The following SDK2 variants were observed in gnomAD, a reference collection of about 807,000 sequenced individuals.
SDK2 encodes the protein sidekick cell adhesion molecule 2.
A neutral mutation model predicts 253.9 loss-of-function variants in SDK2; 105 were observed. That is an observed-to-expected ratio of 0.41 (90% CI 0.35 to 0.49). The LOEUF is 0.49. Ranked by LOEUF, SDK2 falls within the 20% of genes least tolerant of loss-of-function variation. The pLI, the probability that SDK2 is intolerant of heterozygous loss-of-function variation, is 0.06. For synonymous variants in SDK2, 1,249 were observed against 1,234.9 expected (o/e 1.01, Z -0.24); for missense variants, 2,608 against 3,003.0 (o/e 0.87, Z 3.07).
intron 1 of SDK2, among the ~76,000 whole-genome samples, chr17:73,551,104 G>A (rs1164629671): frequency 6.6e-6 from 1 of 152,174 alleles, no homozygotes; most frequent in Non-Finnish European, 1.5e-5. Flanking sequence ...GGACCTGAGA[G>A]GTCACAGCCC....
intron 2 of SDK2, among the ~76,000 whole-genome samples, chr17:73,498,322 C>T (rs2063859881): frequency 6.6e-6 from 1 of 152,222 alleles, no homozygotes; most frequent in South Asian, 2.1e-4. Flanking sequence ...TCTGCCTCTT[C>T]CTGAAACTCC....
chr17:73,459,708 T>A (rs899142708), intron 3 of SDK2, among the ~76,000 whole-genome samples: 7 of 152,138 alleles, frequency 4.6e-5, no homozygotes, highest in Admixed American at 1.3e-4. Context: ...CTTTCTTTTT[T>A]TTTTTTGTAG....
intron 36 of SDK2, among the ~76,000 whole-genome samples, chr17:73,373,236 A>T (rs1303689906): frequency 1.3e-5 from 2 of 152,184 alleles, no homozygotes; most frequent in Admixed American, 6.5e-5. Flanking sequence ...ACTGTGTATA[A>T]ACCACATTTT....
At chr17:73,625,366 T>C (rs1567880005) in intron 1 of SDK2, among the ~76,000 whole-genome samples, 2 of 151,980 alleles carry the variant, frequency 1.3e-5, no homozygotes, top group East Asian at 3.9e-4. Flanking sequence ...GAGAAGAGGG[T>C]CCCCTGGCCT....
At chr17:73,416,273 T>C (rs996739335) in intron 16 of SDK2, among the ~76,000 whole-genome samples, 6 of 146,328 alleles carry the variant, frequency 4.1e-5, no homozygotes, top group Admixed American at 3.7e-4. Flanking sequence ...CTCGGCTCAC[T>C]GCAACCTCTG....
rs1447306112 is a variant in SDK2, at chr17:73,339,218, T to TTTTG, written c.6166-279_6166-278insCAAA. Among the ~76,000 whole-genome samples the TTTTG allele has an allele frequency of 1.7e-4, 25 of 144,848 alleles. 2 individuals carry two copies. The highest frequency in any genetic ancestry group is 2.5e-4 in the African/African-American group (10 of 40,052). ...GATAGAATCAGAAGACCTGAGTTTT[T>TTTTG]TTTTGTTTTTGTTTTTGTTTTTTTT... On this transcript the variant is annotated intron_variant, in intron 44 of 44. Coordinates refer to ENST00000392650, the MANE Select transcript of SDK2 (RefSeq NM_001144952.2).
chr17:73,509,034 G>C (rs1022506942), intron 1 of SDK2, among the ~76,000 whole-genome samples: 1 of 152,180 alleles, frequency 6.6e-6, no homozygotes, highest in Non-Finnish European at 1.5e-5. Flanking sequence ...ACCACACTGT[G>C]CCCAGAGGGG....
chr17:73,443,931 C>T lies in SDK2; in HGVS notation c.614-3008G>A, dbSNP rs371167289. On this transcript the variant is annotated intron_variant, in intron 5 of 44. Transcript: ENST00000392650. The surrounding 1 kb of genome is among the most constrained non-coding windows in gnomAD (Gnocchi z 4.6). ...CAGGCACCAGAGATTCTCCACCAAG[C>T]GAGATGGCCAGGGTCTGTCCTCATG... is the stretch of plus-strand genomic sequence containing the variant. Among the ~76,000 whole-genome samples, 1 of 152,230 alleles carries T rather than the reference C, an allele frequency of 6.6e-6. No individual in the cohort carries two copies. The highest frequency in any genetic ancestry group is 1.5e-5 in the Non-Finnish European group (1 of 68,004).
intron 1 of SDK2, among the ~76,000 whole-genome samples, chr17:73,548,687 T>C (rs1397322863): frequency 2.0e-5 from 3 of 152,004 alleles, no homozygotes; most frequent in Non-Finnish European, 1.5e-5. Flanking sequence ...GTCTCCTCCC[T>C]GGGGAGGAAA....
Position 73,462,657 on chromosome 17 carries a change from C to G in SDK2, c.332-6604G>C, listed in dbSNP as rs779594515. On this transcript the variant is annotated intron_variant, in intron 3 of 44. Transcript: ENST00000392650. Reference sequence around the variant, plus strand: ...ATCTACATGTTTGCAAGCATACACGCATGTATATGTGGTGGAAGGATGGTT... The same window carrying G: ...ATCTACATGTTTGCAAGCATACACGGATGTATATGTGGTGGAAGGATGGTT... Among the ~76,000 whole-genome samples, 7 of 151,910 alleles carry G rather than the reference C, an allele frequency of 4.6e-5. No homozygotes were observed. The South Asian group carries it at 8.3e-4, about 18-fold the overall frequency.
Position 73,361,252 on chromosome 17 carries a change from G to C in SDK2, c.5467+432C>G, listed in dbSNP as rs530020221. Among the ~76,000 whole-genome samples, 1 of 152,174 alleles carries C rather than the reference G, an allele frequency of 6.6e-6. No individual in the cohort carries two copies. ...CGTGCATTTTAGTGCGCCCTGCTCT[G>C]AGAACCGCTGCCTGGAGGGTAGGGG... On this transcript the variant is annotated intron_variant, in intron 39 of 44. Coordinates refer to ENST00000392650, the MANE Select transcript of SDK2 (RefSeq NM_001144952.2). The surrounding 1 kb of genome is among the most constrained non-coding windows in gnomAD (Gnocchi z 4.1).
At chr17:73,544,764 G>A (rs2044929067) in intron 1 of SDK2, among the ~76,000 whole-genome samples, 1 of 152,144 alleles carries the variant, frequency 6.6e-6, no homozygotes, top group Admixed American at 6.5e-5. Flanking sequence ...AGGGGAAATG[G>A]CTTCCATGAC....
Position 73,482,144 on chromosome 17 carries a change from G to A in SDK2, c.225-9926C>T, listed in dbSNP as rs545609666. The stretch of plus-strand genomic sequence containing the variant: ...ACAAAAATTAGTGGGGCATGGTGGC[G>A]TGTGCCTGTAATCCTGGCTACTCAA... On this transcript the variant is annotated intron_variant, in intron 2 of 44. Transcript: ENST00000392650. Among the ~76,000 whole-genome samples the A allele has an allele frequency of 4.7e-4, 71 of 152,176 alleles. 1 individual carries two copies. The highest frequency in any genetic ancestry group is 2.1e-3 in the Admixed American group (32 of 15,272).
intron 1 of SDK2, among the ~76,000 whole-genome samples, chr17:73,608,048 A>G (rs901366712): frequency 6.6e-6 from 1 of 152,032 alleles, no homozygotes; most frequent in Non-Finnish European, 1.5e-5. Context: ...CCCACAGTAC[A>G]CTTGGACTTC....
At chr17:73,416,402 G>C (rs1241843482) in intron 16 of SDK2, among the ~76,000 whole-genome samples, 2 of 151,776 alleles carry the variant, frequency 1.3e-5, no homozygotes, top group African/African-American at 4.8e-5. Flanking sequence ...TCACCATGTT[G>C]GCCAGGATGG....
At chr17:73,547,309 T>C (rs2044981205) in intron 1 of SDK2, among the ~76,000 whole-genome samples, 1 of 152,224 alleles carries the variant, frequency 6.6e-6, no homozygotes, top group African/African-American at 2.4e-5. Context: ...CATGCTGTTA[T>C]TCGTTTATTG....
Position 73,379,512 on chromosome 17 carries a change from G to A in SDK2, c.4800C>T (p.Ser1600=), listed in dbSNP as rs368455179. 141 of 1,612,616 alleles carry A rather than the reference G, an allele frequency of 8.7e-5. No individual in the cohort carries two copies. Among genetic ancestry groups the A allele is most frequent in the Admixed American group, 1.3e-4 (8 of 59,860 alleles). ...NKHRRYEIRM[S]VYNAVGEGPS... is the part of the protein sequence containing the mutation. Reference sequence around the variant, plus strand: ...GCCCCTCACCCACAGCGTTGTACACGCTCATCCGTATCTCGTACCGCCTGT... The same window carrying A: ...GCCCCTCACCCACAGCGTTGTACACACTCATCCGTATCTCGTACCGCCTGT... Residue 1600 remains serine (S), a synonymous_variant, in exon 35 of 45, where the codon AGC becomes AGT. Transcript: ENST00000392650. The surrounding 1 kb of genome is among the most constrained non-coding windows in gnomAD (Gnocchi z 4.5).
At position 73,409,643 on chromosome 17, in the gene SDK2, G is replaced by GA. The variant is rs942631534; in HGVS notation, c.2484+5000dup. On this transcript the variant is annotated intron_variant, in intron 18 of 44. Coordinates refer to ENST00000392650, the MANE Select transcript of SDK2 (RefSeq NM_001144952.2). Reference sequence around the variant, plus strand: ...AAAACTCCATCTCAAAAAAAAGGAAGAAAAAAAAAACACAAAAGGGGAAAA... The same window carrying GA: ...AAAACTCCATCTCAAAAAAAAGGAAGAAAAAAAAAAACACAAAAGGGGAAAA... Among the ~76,000 whole-genome samples, 1,249 of 143,446 alleles carry GA rather than the reference G, an allele frequency of 8.7e-3. 17 individuals are homozygous for GA. The highest frequency in any genetic ancestry group is 0.028 in the African/African-American group (1,109 of 39,138). The allele number at this position is 143,446 out of a possible 152,430, so 94.1% of individuals were successfully genotyped here.
intron 1 of SDK2, among the ~76,000 whole-genome samples, chr17:73,621,208 C>T (rs2046128506): frequency 6.6e-6 from 1 of 152,208 alleles, no homozygotes; most frequent in Non-Finnish European, 1.5e-5. Flanking sequence ...TCAGGGCAGA[C>T]TGCAAGTAAC....
Sources: gnomAD v4.1 joint callset for allele counts (sites outside exome capture counted in the v4.1 genomes callset) on GRCh38, gnomAD v4.1.1 for gene constraint, Gnocchi (gnomAD v3.1) non-coding constraint, MANE v1.5 for transcripts, NCBI Gene and HGNC (gene_info 2026-07-23, HGNC 2026-07-21) for gene names.